Variants in ITFG1 observed in about 807,000 individuals in gnomAD.
ITFG1 encodes integrin alpha FG-GAP repeat containing 1.
In ITFG1, 34 loss-of-function variants were observed where a neutral mutation model predicts 81.8. That is an observed-to-expected ratio of 0.42 (90% CI 0.32 to 0.55). The LOEUF is 0.55. Among genes scored for constraint, ITFG1 ranks in the 20% least tolerant of loss-of-function variants. ITFG1 has a pLI of 0.17. For missense variants in ITFG1, 672 were observed against 755.4 expected (o/e 0.89, Z 1.29); for synonymous variants, 285 against 270.6 (o/e 1.05, Z -0.52).
chr16:47,248,185 T>C (rs1229491614), intron 12 of ITFG1, among the ~76,000 whole-genome samples: 1 of 152,222 alleles, frequency 6.6e-6, no homozygotes, highest in Non-Finnish European at 1.5e-5. Flanking sequence ...GATTCTATCA[T>C]TCTGGATTTC....
intron 14 of ITFG1, among the ~76,000 whole-genome samples, chr16:47,194,029 A>C (rs1300991048): frequency 6.6e-6 from 1 of 152,228 alleles, no homozygotes; most frequent in African/African-American, 2.4e-5. Context: ...TATAGCGTTA[A>C]AAAACCAGAA....
At chr16:47,387,991 TA>T in intron 6 of ITFG1, among the ~76,000 whole-genome samples, 1 of 150,634 alleles carries the variant, frequency 6.6e-6, no homozygotes, top group East Asian at 1.9e-4. Context: ...TTATCAAATA[TA>T]AAATATCCAT....
At chr16:47,400,072 T>C (rs1968641311) in intron 6 of ITFG1, among the ~76,000 whole-genome samples, 2 of 152,206 alleles carry the variant, frequency 1.3e-5, no homozygotes, top group South Asian at 2.1e-4. Context: ...GTCCCATTTC[T>C]ACAGATGAGG....
intron 6 of ITFG1, among the ~76,000 whole-genome samples, chr16:47,397,044 G>A (rs1420203842): frequency 6.6e-6 from 1 of 152,156 alleles, no homozygotes; most frequent in Non-Finnish European, 1.5e-5. Flanking sequence ...GGAAGATGAC[G>A]TTTGGTGTAA....
intron 8 of ITFG1, among the ~76,000 whole-genome samples, chr16:47,358,062 A>G (rs959023640): frequency 3.9e-5 from 6 of 152,222 alleles, no homozygotes; most frequent in Admixed American, 3.9e-4. Flanking sequence ...CATGGAATGA[A>G]AAGGAAATAC....
chr16:47,219,289 G>A (rs1965662839), intron 13 of ITFG1, among the ~76,000 whole-genome samples: 1 of 151,968 alleles, frequency 6.6e-6, no homozygotes, highest in Non-Finnish European at 1.5e-5. Context: ...GATTGGACAT[G>A]GTTTACATTT....
At chr16:47,232,649 T>A (rs1418920461) in intron 13 of ITFG1, among the ~76,000 whole-genome samples, 1 of 151,656 alleles carries the variant, frequency 6.6e-6, no homozygotes, top group African/African-American at 2.4e-5. Context: ...TTTTTTTTTT[T>A]CTTTTTTCTT....
intron 14 of ITFG1, among the ~76,000 whole-genome samples, chr16:47,172,137 T>TAA (rs984210229): frequency 2.0e-5 from 3 of 152,188 alleles, no homozygotes; most frequent in Admixed American, 2.0e-4. Context: ...AACTAAATGC[T>TAA]AAACATCAAT....
At chr16:47,281,761 C>A (rs1163137121) in intron 10 of ITFG1, among the ~76,000 whole-genome samples, 1 of 151,834 alleles carries the variant, frequency 6.6e-6, no homozygotes, top group Non-Finnish European at 1.5e-5. Context: ...ACTAACAATC[C>A]TCTCTTTTTT....
intron 14 of ITFG1, among the ~76,000 whole-genome samples, chr16:47,187,643 T>A (rs1342609359): frequency 1.3e-5 from 2 of 151,032 alleles, no homozygotes; most frequent in East Asian, 3.9e-4. Flanking sequence ...ACATTAGACC[T>A]AAAACCATAA....
At chr16:47,351,910 A>G (rs553633236) in intron 8 of ITFG1, among the ~76,000 whole-genome samples, 4 of 152,264 alleles carry the variant, frequency 2.6e-5, no homozygotes, top group African/African-American at 7.2e-5. Flanking sequence ...AATACCACAC[A>G]TCTACAACTA....
intron 5 of ITFG1, 43 bp downstream of exon 5, chr16:47,451,353 A>G (rs772268864): frequency 9.6e-7 from 1 of 1,038,608 alleles, no homozygotes; most frequent in South Asian, 1.4e-5. Context: ...AAGTAGAAGC[A>G]ATATATACGA....
At chr16:47,313,878 T>A in intron 8 of ITFG1, 55 bp from the exon 9 acceptor site, 1 of 956,830 alleles carries the variant, frequency 1.0e-6, no homozygotes, top group East Asian at 2.6e-5. Context: ...AGTGTTCTTG[T>A]ATGGTATATT....
intron 6 of ITFG1, among the ~76,000 whole-genome samples, chr16:47,417,847 A>G (rs1968893178): frequency 6.6e-6 from 1 of 152,216 alleles, no homozygotes; most frequent in South Asian, 2.1e-4. Context: ...ATGGGGGTAC[A>G]GATATCCCTT....
chr16:47,271,258 T>C (rs528204110), intron 10 of ITFG1, among the ~76,000 whole-genome samples: 6 of 152,216 alleles, frequency 3.9e-5, no homozygotes, highest in Admixed American at 3.9e-4. Flanking sequence ...AAAGAAATTT[T>C]ACAACTCAAT....
chr16:47,184,976 A>G (rs918277520), intron 14 of ITFG1, among the ~76,000 whole-genome samples: 3 of 151,694 alleles, frequency 2.0e-5, no homozygotes, highest in Non-Finnish European at 4.4e-5. Context: ...AGGGGTTGCA[A>G]TCCTAGTCTC....
At chr16:47,390,964 A>T (rs1489874706) in intron 6 of ITFG1, among the ~76,000 whole-genome samples, 4 of 152,122 alleles carry the variant, frequency 2.6e-5, no homozygotes, top group Non-Finnish European at 5.9e-5. Flanking sequence ...TATAATTTTT[A>T]TATGAAGTTG....
chr16:47,195,605 T>C (rs1216155715), intron 14 of ITFG1, among the ~76,000 whole-genome samples: 1 of 152,242 alleles, frequency 6.6e-6, no homozygotes, highest in African/African-American at 2.4e-5. Flanking sequence ...TTCTGACTTA[T>C]CATATTCCTT....
intron 6 of ITFG1, among the ~76,000 whole-genome samples, chr16:47,406,348 C>T (rs1968728972): frequency 6.6e-6 from 1 of 152,262 alleles, no homozygotes; most frequent in South Asian, 2.1e-4. Context: ...GTATGTATTT[C>T]TGAAAATCTT....
Sources: allele counts gnomAD v4.1 joint callset (sites outside exome capture counted in the v4.1 genomes callset), GRCh38; gene constraint gnomAD v4.1.1; transcripts MANE v1.5; gene names NCBI Gene and HGNC (gene_info 2026-07-23, HGNC 2026-07-21).